The following CNTNAP2 variants were observed in gnomAD, a reference collection of about 807,000 sequenced individuals.
The protein encoded by CNTNAP2 is contactin-associated protein-like 2.
Under a neutral mutation model 155.2 loss-of-function variants are expected in CNTNAP2, and 98 were observed. That is an observed-to-expected ratio of 0.63 (90% CI 0.54 to 0.75). The LOEUF is 0.75. CNTNAP2 is among the 30% of genes least tolerant of loss of function. The pLI, the probability that CNTNAP2 is intolerant of heterozygous loss-of-function variation, is 0.00. For synonymous variants in CNTNAP2, 651 were observed against 631.2 expected (o/e 1.03, Z -0.47); for missense variants, 1,727 against 1,688.1 (o/e 1.02, Z -0.40).
chr7:147,077,689 C>G (rs182778666), intron 4 of CNTNAP2, among the ~76,000 whole-genome samples: 54 of 152,244 alleles, frequency 3.5e-4, no homozygotes, highest in African/African-American at 1.3e-3. Context: ...CAAGCTTTGA[C>G]ATTTTCTAGC....
intron 20 of CNTNAP2, among the ~76,000 whole-genome samples, chr7:148,236,031 C>G (rs1260393004): frequency 2.0e-5 from 3 of 152,178 alleles, no homozygotes; most frequent in Non-Finnish European, 4.4e-5. Flanking sequence ...TCAAATTACA[C>G]TAAGGGTTTT....
chr7:146,500,342 A>T (rs572100232), intron 1 of CNTNAP2, among the ~76,000 whole-genome samples: 2 of 152,314 alleles, frequency 1.3e-5, no homozygotes, highest in Middle Eastern at 3.4e-3. Flanking sequence ...AGGAGATGGG[A>T]GTTCAGTCTC....
chr7:146,842,603 T>TA (rs1332865512), intron 3 of CNTNAP2, among the ~76,000 whole-genome samples: 7 of 152,094 alleles, frequency 4.6e-5, no homozygotes, highest in African/African-American at 1.4e-4. Context: ...TCAAGAAACT[T>TA]ACTATCATGG....
At chr7:147,680,957 G>T (rs141096460) in intron 13 of CNTNAP2, among the ~76,000 whole-genome samples, 1 of 151,602 alleles carries the variant, frequency 6.6e-6, no homozygotes, top group Non-Finnish European at 1.5e-5. Context: ...TAATATATAC[G>T]TTATATAACT....
At chr7:148,265,398 C>T (rs570116433) in intron 20 of CNTNAP2, among the ~76,000 whole-genome samples, 3 of 151,960 alleles carry the variant, frequency 2.0e-5, no homozygotes, top group Admixed American at 6.6e-5. Context: ...CTCAGCCTCT[C>T]GAGTAGCTGT....
At chr7:146,629,875 G>C (rs1482792323) in intron 1 of CNTNAP2, among the ~76,000 whole-genome samples, 1 of 152,096 alleles carries the variant, frequency 6.6e-6, no homozygotes, top group East Asian at 1.9e-4. Context: ...GTTCATTAGG[G>C]AGAAATAAAT....
rs1370822460 is a variant in CNTNAP2 at position 148,417,912 on chromosome 7, A to G, written c.*2296A>G. 1 of 152,230 alleles carries G rather than the reference A, an allele frequency of 6.6e-6. No homozygotes were observed. Among genetic ancestry groups the G allele is most frequent in the Admixed American group, 6.5e-5 (1 of 15,282 alleles). The allele number at this position is 152,230 out of a possible 1,614,324, so 9.4% of individuals were successfully genotyped here. A position where few individuals can be genotyped will look rare whatever the true frequency, so the allele number is the denominator to read the frequency against. On this transcript the variant is annotated 3_prime_UTR_variant, in exon 24 of 24. Transcript: ENST00000361727. The stretch of plus-strand genomic sequence containing the variant: ...TCCTCCCTCTCCTTTTCCTGCCACA[A>G]AAGGTGAAAAATGAGATCCAATCCT...
At chr7:147,118,404 T>C (rs1020737994) in intron 5 of CNTNAP2, among the ~76,000 whole-genome samples, 5 of 151,258 alleles carry the variant, frequency 3.3e-5, no homozygotes, top group African/African-American at 1.2e-4. Context: ...CACATAGAAA[T>C]ATGTTGATAG....
intron 1 of CNTNAP2, among the ~76,000 whole-genome samples, chr7:146,272,162 A>G (rs973066536): frequency 2.6e-5 from 4 of 152,166 alleles, no homozygotes; most frequent in African/African-American, 9.7e-5. Context: ...CCTCACAATC[A>G]TTGTGGAAGG....
chr7:146,504,947 C>T (rs567571847), intron 1 of CNTNAP2, among the ~76,000 whole-genome samples: 3 of 152,256 alleles, frequency 2.0e-5, no homozygotes, highest in East Asian at 1.9e-4. Flanking sequence ...GGCAGACAAC[C>T]ACCCCACGGT....
At chr7:146,902,220 A>G (rs144413252) in intron 3 of CNTNAP2, among the ~76,000 whole-genome samples, 1 of 152,238 alleles carries the variant, frequency 6.6e-6, no homozygotes, top group African/African-American at 2.4e-5. Flanking sequence ...CCTCAGGAGC[A>G]GTGGCTGGCA....
At position 146,812,445 on chromosome 7, in the gene CNTNAP2, A is replaced by ATATATATATAT. The variant is rs1386547927; in HGVS notation, c.209-27266_209-27265insTATATATATAT. Among the ~76,000 whole-genome samples, 213 of 144,554 alleles carry ATATATATATAT rather than the reference A, an allele frequency of 1.5e-3. 1 individual carries two copies. The highest frequency in any genetic ancestry group is 5.0e-3 in the African/African-American group (195 of 39,046). The allele number at this position is 144,554 out of a possible 152,430, so 94.8% of individuals were successfully genotyped here. On this transcript the variant is annotated intron_variant, in intron 2 of 23. Transcript: ENST00000361727. ...CTTTTATATGTATATATATATAAAA[A>ATATATATATAT]ATATATATATATATATATTTATACT...
rs150809813 is a variant in CNTNAP2 at position 148,283,556 on chromosome 7, C to G, written c.3475+16430C>G. Among the ~76,000 whole-genome samples the G allele has an allele frequency of 9.6e-3, 1,466 of 152,288 alleles. 28 individuals carry two copies. The highest frequency in any genetic ancestry group is 0.033 in the African/African-American group (1,381 of 41,552). On this transcript the variant is annotated intron_variant, in intron 21 of 23. Transcript: ENST00000361727. ...ACAATTTGTCATCAATGTGTACATT[C>G]TCATTTGAAGTCAAACAAGGTGATG... is the stretch of plus-strand genomic sequence containing the variant.
intron 20 of CNTNAP2, among the ~76,000 whole-genome samples, chr7:148,246,934 A>T (rs180745116): frequency 1.3e-5 from 2 of 152,304 alleles, no homozygotes; most frequent in East Asian, 3.9e-4. Flanking sequence ...ATTTGTATTC[A>T]ATTGAATGTT....
intron 1 of CNTNAP2, among the ~76,000 whole-genome samples, chr7:146,439,102 G>A (rs1192077701): frequency 1.3e-5 from 2 of 151,540 alleles, no homozygotes; most frequent in Admixed American, 1.3e-4. Context: ...GGTGGATGGA[G>A]TATCTTAACA....
chr7:146,127,541 T>C (rs1034086356), intron 1 of CNTNAP2, among the ~76,000 whole-genome samples: 12 of 152,210 alleles, frequency 7.9e-5, no homozygotes, highest in African/African-American at 2.9e-4. Flanking sequence ...ATAAGGGAAA[T>C]TTGAAACCAT....
chr7:147,543,480 G>T (rs1391183869), intron 11 of CNTNAP2, among the ~76,000 whole-genome samples: 1 of 152,182 alleles, frequency 6.6e-6, no homozygotes, highest in Non-Finnish European at 1.5e-5. Context: ...TCCCAAAAAT[G>T]ACACCTACCT....
At chr7:146,978,814 A>T (rs1797960220) in intron 3 of CNTNAP2, among the ~76,000 whole-genome samples, 1 of 152,102 alleles carries the variant, frequency 6.6e-6, no homozygotes, top group South Asian at 2.1e-4. Context: ...ATAAATAAGA[A>T]AGTGTCCAGC....
intron 1 of CNTNAP2, among the ~76,000 whole-genome samples, chr7:146,586,478 G>A (rs1307008456): frequency 6.6e-6 from 1 of 152,026 alleles, no homozygotes; most frequent in Non-Finnish European, 1.5e-5. Flanking sequence ...ATAGCAAAGT[G>A]AATTAATATT....
Sources: gnomAD v4.1 joint callset for allele counts (sites outside exome capture counted in the v4.1 genomes callset) on GRCh38, gnomAD v4.1.1 for gene constraint, MANE v1.5 for transcripts, NCBI Gene and HGNC (gene_info 2026-07-23, HGNC 2026-07-21) for gene names.